The following TRPC5OS variants were observed in gnomAD, a reference collection of about 807,000 sequenced individuals.
TRPC5OS encodes putative uncharacterized protein TRPC5OS.
For synonymous variants in TRPC5OS, 30 were observed against 29.3 expected (o/e 1.02, Z -0.08); for missense variants, 64 against 79.3 (o/e 0.81, Z 0.73).
intron 1 of TRPC5OS, among the ~76,000 whole-genome samples, chrX:111,887,852 G>A (rs748383729): frequency 8.9e-6 from 1 of 112,182 alleles, no homozygotes; most frequent in South Asian, 3.7e-4. Context: ...CCTTCATGGA[G>A]CTTACATTCT....
chrX:111,901,888 T>A lies in TRPC5OS; in HGVS notation c.39T>A (p.Leu13=). Residue 13 remains leucine, a synonymous_variant, in exon 4 of 4, where the codon CTT becomes CTA. Coordinates refer to ENST00000635763, the MANE Select transcript of TRPC5OS (RefSeq NM_001195578.2). ...SVLIHVLIDG[L]VACVAQLIRI... ...TAATTCATGTACTCATTGATGGACT[T>A]GTTGCTTGTGTAGCCCAGTTAATAA... The A allele has an allele frequency of 8.7e-7, 1 of 1,151,798 alleles. No individual in the cohort carries two copies. The highest frequency in any genetic ancestry group is 1.1e-6 in the Non-Finnish European group (1 of 870,825). 94.9% of individuals were successfully genotyped at this position (1,151,798 alleles called of 1,213,427 possible). A position where few individuals can be genotyped will look rare whatever the true frequency, so the allele number is the denominator to read the frequency against.
At chrX:111,894,517 A>G (rs1924963648) in intron 1 of TRPC5OS, among the ~76,000 whole-genome samples, 1 of 111,509 alleles carries the variant, frequency 9.0e-6, no homozygotes, top group Admixed American at 9.5e-5. Flanking sequence ...TATCAATTAA[A>G]AACTCGGCCT....
chrX:111,888,632 TGTG>T (rs1924636398), intron 1 of TRPC5OS, among the ~76,000 whole-genome samples: 2 of 92,730 alleles, frequency 2.2e-5, no homozygotes, highest in Admixed American at 1.3e-4. Context: ...AGGTGGAGGT[TGTG>T]GTGAGCTGAG....
chrX:111,899,254 C>T (rs1458017715), intron 3 of TRPC5OS, among the ~76,000 whole-genome samples: 3 of 111,073 alleles, frequency 2.7e-5, no homozygotes, highest in Non-Finnish European at 5.7e-5. Flanking sequence ...TCATGGGCCA[C>T]ATAAAGTAAT....
chrX:111,878,629 G>T (rs1924066965), intron 1 of TRPC5OS, among the ~76,000 whole-genome samples: 1 of 111,521 alleles, frequency 9.0e-6, no homozygotes. Context: ...ATTGACAATG[G>T]CACCTCCCCT....
In TRPC5OS at chrX:111,897,774, A is replaced by T. The variant is rs150691208; in HGVS notation, c.-311+1279A>T. ...TGAATATACCACAGTTTGCTTATTC[A>T]TAATCTTCTTGATAGTTACCTGAGC... is the stretch of plus-strand genomic sequence containing the variant. On this transcript the variant is annotated intron_variant, in intron 3 of 3. Coordinates refer to ENST00000635763, the MANE Select transcript of TRPC5OS (RefSeq NM_001195578.2). Among the ~76,000 whole-genome samples, 93 of 111,278 alleles carry T rather than the reference A, an allele frequency of 8.4e-4. No homozygotes were observed. The East Asian group carries it at 0.022, about 26-fold the overall frequency.
chrX:111,894,234 C>A (rs1044394418), intron 1 of TRPC5OS, among the ~76,000 whole-genome samples: 3 of 111,600 alleles, frequency 2.7e-5, no homozygotes, highest in Admixed American at 9.6e-5. Flanking sequence ...TAAAGATAGA[C>A]CCAGAGGATT....
chrX:111,892,441 G>T (rs369620266), intron 1 of TRPC5OS, among the ~76,000 whole-genome samples: 66 of 111,965 alleles, frequency 5.9e-4, no homozygotes, highest in African/African-American at 1.5e-3. Context: ...CGAGGTGGAG[G>T]GCATTCTCTG....
At chrX:111,890,059 G>A (rs1356382795) in intron 1 of TRPC5OS, among the ~76,000 whole-genome samples, 1 of 111,608 alleles carries the variant, frequency 9.0e-6, no homozygotes, top group African/African-American at 3.3e-5. Context: ...TGTGGGTTCT[G>A]CATCCATGGA....
intron 1 of TRPC5OS, among the ~76,000 whole-genome samples, chrX:111,880,368 T>A (rs1016199122): frequency 4.4e-5 from 5 of 112,638 alleles, no homozygotes; most frequent in Admixed American, 9.4e-5. Context: ...AATGAATGTG[T>A]TAACTTTCTA....
chrX:111,893,079 G>GTTT (rs79584045), intron 1 of TRPC5OS, among the ~76,000 whole-genome samples: 22 of 88,158 alleles, frequency 2.5e-4, no homozygotes, highest in African/African-American at 6.6e-4. Flanking sequence ...CAAATATAGG[G>GTTT]TTTTTTTTTT....
intron 3 of TRPC5OS, among the ~76,000 whole-genome samples, chrX:111,899,380 C>A (rs944758662): frequency 1.8e-5 from 2 of 110,926 alleles, no homozygotes; most frequent in Admixed American, 9.6e-5. Flanking sequence ...TTTGATGAAT[C>A]AAATATAATT....
At position 111,882,946 on chromosome X, in the gene TRPC5OS, C is replaced by T. The variant is rs1004235758; in HGVS notation, c.-546+6673C>T. ...ACCAAAAATAAAAAAATTAGCCAGG[C>T]ATGATGGCATGCTCCTGTAATCCCA... On this transcript the variant is annotated intron_variant, in intron 1 of 3. Transcript: ENST00000635763. Among the ~76,000 whole-genome samples the T allele has an allele frequency of 2.7e-5, 3 of 110,907 alleles. No homozygotes were observed. In the Admixed American group the frequency reaches 2.9e-4, roughly 11 times the overall value.
Position 111,891,057 on chromosome X carries a change from A to T in TRPC5OS, c.-545-4894A>T, listed in dbSNP as rs775414687. Among the ~76,000 whole-genome samples the T allele has an allele frequency of 5.4e-5, 6 of 111,990 alleles. No individual in the cohort carries two copies. In the East Asian group the frequency reaches 1.7e-3, roughly 31 times the overall value. On this transcript the variant is annotated intron_variant, in intron 1 of 3. Coordinates refer to ENST00000635763, the MANE Select transcript of TRPC5OS (RefSeq NM_001195578.2). ...TGCAAAGGATATGATCTTGTTTTTT[A>T]TGGCTGCATAGTACTCCATGGTGTA...
chrX:111,885,262 A>T (rs1166728135), intron 1 of TRPC5OS, among the ~76,000 whole-genome samples: 1 of 112,543 alleles, frequency 8.9e-6, no homozygotes, highest in Non-Finnish European at 1.9e-5. Flanking sequence ...GGGCCTGTTT[A>T]AGGCCTATTT....
intron 3 of TRPC5OS, among the ~76,000 whole-genome samples, chrX:111,897,420 A>G (rs777821914): frequency 9.0e-6 from 1 of 111,049 alleles, no homozygotes; most frequent in African/African-American, 3.3e-5. Flanking sequence ...AAATGTACAA[A>G]TCTTTAGAGT....
At chrX:111,895,852 T>C (rs1417712168) in intron 1 of TRPC5OS, 99 bp from the exon 2 acceptor site, 3 of 111,898 alleles carry the variant, frequency 2.7e-5, no homozygotes, top group Non-Finnish European at 5.6e-5. Flanking sequence ...TTTATTCTTA[T>C]GCATTTTAGA....
At chrX:111,885,000 C>A (rs149805204) in intron 1 of TRPC5OS, among the ~76,000 whole-genome samples, 120 of 112,714 alleles carry the variant, frequency 1.1e-3, no homozygotes, top group African/African-American at 3.7e-3. Context: ...TAAGGCCTAT[C>A]CAGGGCCAAA....
chrX:111,888,215 G>A (rs774010035), intron 1 of TRPC5OS, among the ~76,000 whole-genome samples: 4 of 111,424 alleles, frequency 3.6e-5, no homozygotes, highest in Non-Finnish European at 7.5e-5. Context: ...GAGCAGGAGA[G>A]AGAAAAATAG....
Sources: gnomAD v4.1 joint callset for allele counts (sites outside exome capture counted in the v4.1 genomes callset) on GRCh38, gnomAD v4.1.1 for gene constraint, MANE v1.5 for transcripts, NCBI Gene and HGNC (gene_info 2026-07-23, HGNC 2026-07-21) for gene names.